KLHDC1: variants seen among roughly 807,000 people sequenced by gnomAD.
The protein encoded by KLHDC1 is kelch domain containing 1, also known as kelch domain-containing protein 1.
A neutral mutation model predicts 68.3 loss-of-function variants in KLHDC1; 53 were observed. That is an observed-to-expected ratio of 0.78 (90% confidence interval 0.62 to 0.98). The LOEUF (loss-of-function observed/expected upper bound fraction) is 0.98, where lower values mean the gene tolerates loss of function less well. KLHDC1 is among the 50% of genes least tolerant of loss of function. KLHDC1 has a pLI of 0.00. For missense variants in KLHDC1, 470 were observed against 492.3 expected (o/e 0.95, Z 0.43); for synonymous variants, 148 against 159.0 (o/e 0.93, Z 0.52).
chr14:49,747,642 T>A (rs1018990220), intron 12 of KLHDC1, among the ~76,000 whole-genome samples: 97 of 152,272 alleles, frequency 6.4e-4, no homozygotes, highest in Non-Finnish European at 3.7e-4. Context: ...AGTGAGGTCA[T>A]CTGATAAGAG....
chr14:49,716,519 G>A (rs142957451), intron 4 of KLHDC1, among the ~76,000 whole-genome samples: 2 of 151,942 alleles, frequency 1.3e-5, no homozygotes, highest in African/African-American at 4.8e-5. Flanking sequence ...AAGTAGCTGG[G>A]GTTACAGGTG....
intron 7 of KLHDC1, 35 bp from the exon 8 acceptor site, chr14:49,729,455 G>A: frequency 6.9e-7 from 1 of 1,457,648 alleles, no homozygotes; most frequent in Non-Finnish European, 9.6e-7. Flanking sequence ...TAAAAGATGT[G>A]AAATACTGAC....
At chr14:49,693,491 T>C (rs1049501316) in intron 1 of KLHDC1, among the ~76,000 whole-genome samples, 3 of 151,778 alleles carry the variant, frequency 2.0e-5, no homozygotes, top group Non-Finnish European at 4.4e-5. Context: ...CTTCTTCTAT[T>C]AAAGCCTCAG....
chr14:49,704,475 C>A (rs1887996560), intron 1 of KLHDC1, among the ~76,000 whole-genome samples: 1 of 130,018 alleles, frequency 7.7e-6, no homozygotes, highest in Non-Finnish European at 1.6e-5. Flanking sequence ...GTCACTGCAA[C>A]CTCTGCCTCC....
chr14:49,746,693 C>A (rs1889206575), intron 12 of KLHDC1, among the ~76,000 whole-genome samples: 1 of 152,166 alleles, frequency 6.6e-6, no homozygotes, highest in Non-Finnish European at 1.5e-5. Flanking sequence ...AGCTCATTTT[C>A]CCCCAGTCAC....
At chr14:49,725,973 G>A (rs1485031779) in intron 6 of KLHDC1, among the ~76,000 whole-genome samples, 1 of 151,996 alleles carries the variant, frequency 6.6e-6, no homozygotes, top group East Asian at 1.9e-4. Flanking sequence ...TCAGCCTCCT[G>A]ACTAGCTGGG....
At position 49,751,803 on chromosome 14, in the gene KLHDC1, T is replaced by C. The variant is rs1474840825; in HGVS notation, c.*31T>C. 8.5e-7 allele frequency: 1 copy of C among 1,181,592 alleles called. No homozygotes were observed. The highest frequency in any genetic ancestry group is 2.7e-5 in the East Asian group (1 of 37,554). 73.2% of individuals were successfully genotyped at this position (1,181,592 alleles called of 1,614,324 possible). A position where few individuals can be genotyped will look rare whatever the true frequency, so the allele number is the denominator to read the frequency against. ...TATATACTTTACATATTTAGTATGT[T>C]TTAACTTTTTAATCAGACTATACAT... On this transcript the variant is annotated 3_prime_UTR_variant, in exon 13 of 13. Coordinates refer to ENST00000359332, the MANE Select transcript of KLHDC1 (RefSeq NM_172193.3).
At position 49,710,284 on chromosome 14, in the gene KLHDC1, A is replaced by G; in HGVS notation, c.307A>G (p.Thr103Ala). The change falls in exon 4 of 13, where the codon ACA (threonine) becomes GCA (alanine). Residue 103 changes from threonine (T) to alanine (A), a missense_variant. Physicochemically the swap from Thr to Ala is moderately conservative, Grantham distance 58. Coordinates refer to ENST00000359332, the MANE Select transcript of KLHDC1 (RefSeq NM_172193.3). ...AAAGCTTTATTTTGTTAATTTACGA[A>G]CAAGAGATGAAACCTACATTTGGGA... ...SNRLYFVNLR[T>A]RDETYIWEKI... 6.2e-7 allele frequency: 1 copy of G among 1,601,962 alleles called. No individual in the cohort carries two copies. Among genetic ancestry groups the G allele is most frequent in the Non-Finnish European group, 8.6e-7 (1 of 1,169,304 alleles).
intron 4 of KLHDC1, among the ~76,000 whole-genome samples, chr14:49,718,731 CTTTTG>C (rs888259466): frequency 7.2e-6 from 1 of 139,114 alleles, no homozygotes. Context: ...AAAGAATCAA[CTTTTG>C]TTTTGTTGTT....
intron 12 of KLHDC1, among the ~76,000 whole-genome samples, chr14:49,746,412 G>T (rs996484756): frequency 6.6e-6 from 1 of 151,954 alleles, no homozygotes; most frequent in Admixed American, 6.6e-5. Context: ...TGAGGGGGAG[G>T]GAGAAGAAAA....
intron 12 of KLHDC1, among the ~76,000 whole-genome samples, chr14:49,746,285 C>T (rs1460146844): frequency 6.6e-6 from 1 of 152,014 alleles, no homozygotes; most frequent in South Asian, 2.1e-4. Flanking sequence ...GAGGTCTGGG[C>T]CAGACATAAA....
intron 1 of KLHDC1, among the ~76,000 whole-genome samples, chr14:49,694,361 A>G (rs1484654472): frequency 1.3e-5 from 2 of 152,012 alleles, no homozygotes; most frequent in Non-Finnish European, 2.9e-5. Flanking sequence ...TCTCCCTACC[A>G]TTATGTGACA....
chr14:49,746,216 G>A (rs1470258123), intron 12 of KLHDC1, among the ~76,000 whole-genome samples: 1 of 152,210 alleles, frequency 6.6e-6, no homozygotes, highest in South Asian at 2.1e-4. Context: ...TTTTGGACGT[G>A]CTAAGTGTTT....
intron 4 of KLHDC1, among the ~76,000 whole-genome samples, chr14:49,715,757 A>ATAT (rs1206512681): frequency 2.8e-4 from 35 of 123,570 alleles, no homozygotes; most frequent in African/African-American, 6.8e-4. Context: ...AAAAAAAAAA[A>ATAT]AAAAAAAAAT....
At chr14:49,693,361 C>T in intron 1 of KLHDC1, 71 bp downstream of exon 1, 1 of 1,120,068 alleles carries the variant, frequency 8.9e-7, no homozygotes. Context: ...GCAGCGCCCG[C>T]CACACCCGCT....
Position 49,748,649 on chromosome 14 carries a change from G to A in KLHDC1, c.1035-2937G>A, listed in dbSNP as rs145478192. Among the ~76,000 whole-genome samples the A allele has an allele frequency of 8.1e-3, 1,230 of 151,888 alleles. 18 individuals carry two copies. The highest frequency in any genetic ancestry group is 0.028 in the African/African-American group (1,171 of 41,386). Reference sequence around the variant, plus strand: ...TATATTGTTCTGATTGTAAAAAGATGTATTTACCAAGAAAATTCATACGAT... The same window carrying A: ...TATATTGTTCTGATTGTAAAAAGATATATTTACCAAGAAAATTCATACGAT... On this transcript the variant is annotated intron_variant, in intron 12 of 12. Coordinates refer to ENST00000359332, the MANE Select transcript of KLHDC1 (RefSeq NM_172193.3).
intron 1 of KLHDC1, among the ~76,000 whole-genome samples, chr14:49,693,561 G>A (rs1887635636): frequency 6.6e-6 from 1 of 151,758 alleles, no homozygotes; most frequent in East Asian, 1.9e-4. Context: ...CAGTAACCAC[G>A]GTTTGCCCAA....
At chr14:49,743,072 CAAAAAAAAAAA>C (rs55778725) in intron 11 of KLHDC1, among the ~76,000 whole-genome samples, 1 of 58,350 alleles carries the variant, frequency 1.7e-5, no homozygotes, top group South Asian at 9.0e-4. Flanking sequence ...ACCCTGTCTC[CAAAAAAAAAAA>C]AAAAAAAAAA....
chr14:49,695,455 T>TG (rs1887713212), intron 1 of KLHDC1, among the ~76,000 whole-genome samples: 1 of 152,070 alleles, frequency 6.6e-6, no homozygotes, highest in African/African-American at 2.4e-5. Context: ...CAATGAGCAG[T>TG]GAGTGAGATT....
Sources: gnomAD v4.1 joint callset for allele counts (sites outside exome capture counted in the v4.1 genomes callset) on GRCh38, gnomAD v4.1.1 for gene constraint, MANE v1.5 for transcripts, NCBI Gene and HGNC (gene_info 2026-07-23, HGNC 2026-07-21) for gene names.